Variants in CDC42BPA observed in about 807,000 individuals in gnomAD.
CDC42BPA encodes CDC42 binding protein kinase alpha.
Under a neutral mutation model 223.5 loss-of-function variants are expected in CDC42BPA, and 80 were observed. The observed-to-expected ratio is 0.36, with a 90% CI of 0.30 to 0.43. CDC42BPA has a LOEUF of 0.43. Ranked by LOEUF, CDC42BPA falls within the 20% of genes least tolerant of loss-of-function variation. The pLI, the probability that CDC42BPA is intolerant of heterozygous loss-of-function variation, is 1.00. For synonymous variants in CDC42BPA, 694 were observed against 718.6 expected (o/e 0.97, Z 0.55); for missense variants, 1,743 against 2,099.9 (o/e 0.83, Z 3.32).
chr1:227,094,605 T>C (rs1273482193), intron 15 of CDC42BPA, among the ~76,000 whole-genome samples: 5 of 152,232 alleles, frequency 3.3e-5, no homozygotes, highest in Non-Finnish European at 7.3e-5. Flanking sequence ...AAACATATCC[T>C]GTGCCTCAGC....
chr1:227,165,874 A>T (rs1229896889), intron 5 of CDC42BPA, among the ~76,000 whole-genome samples: 1 of 152,108 alleles, frequency 6.6e-6, no homozygotes, highest in East Asian at 1.9e-4. Flanking sequence ...TTTCAATATA[A>T]CCTTTTTTTG....
rs537125494 is a variant in CDC42BPA at position 227,062,586 on chromosome 1, T to G, written c.2904+7191A>C. ...AGGAAGTATTGTATTTTGCTTAGCA[T>G]AAGACTTCAAACTTAAATATTCTCA... On this transcript the variant is annotated intron_variant, in intron 21 of 36. Coordinates refer to ENST00000366766, the MANE Select transcript of CDC42BPA (RefSeq NM_001394014.1). Among the ~76,000 whole-genome samples, 4 of 152,322 alleles carry G rather than the reference T, an allele frequency of 2.6e-5. No homozygotes were observed. The East Asian group carries it at 7.7e-4, about 29-fold the overall frequency.
intron 15 of CDC42BPA, among the ~76,000 whole-genome samples, chr1:227,096,791 A>C (rs939396808): frequency 6.6e-6 from 1 of 152,174 alleles, no homozygotes; most frequent in Non-Finnish European, 1.5e-5. Flanking sequence ...ATGCTGCCTG[A>C]GTTAGCTCAT....
At chr1:227,307,450 CTCTG>C (rs1214887874) in intron 1 of CDC42BPA, among the ~76,000 whole-genome samples, 1 of 152,138 alleles carries the variant, frequency 6.6e-6, no homozygotes, top group East Asian at 1.9e-4. Context: ...ATTTCCCAAA[CTCTG>C]TCAGCTGTTC....
intron 4 of CDC42BPA, among the ~76,000 whole-genome samples, chr1:227,197,330 C>T (rs1205228430): frequency 6.6e-6 from 1 of 152,022 alleles, no homozygotes; most frequent in Non-Finnish European, 1.5e-5. Context: ...ATAACCAAGA[C>T]CTCTGACTCT....
intron 28 of CDC42BPA, 128 bp from the exon 29 acceptor site, chr1:227,030,598 T>C: frequency 1.8e-6 from 1 of 567,168 alleles, no homozygotes; most frequent in Non-Finnish European, 3.1e-6. Flanking sequence ...GTTTACACTA[T>C]TTCCTTTCAG....
chr1:227,210,527 G>C (rs1673694376), intron 3 of CDC42BPA, among the ~76,000 whole-genome samples: 1 of 152,056 alleles, frequency 6.6e-6, no homozygotes. Flanking sequence ...ATAAATACTT[G>C]TTAATTGAAT....
intron 1 of CDC42BPA, among the ~76,000 whole-genome samples, chr1:227,295,115 T>C (rs1275056647): frequency 6.6e-6 from 1 of 152,096 alleles, no homozygotes; most frequent in Non-Finnish European, 1.5e-5. Context: ...GTTTTAGTAT[T>C]ACATACTAAG....
At chr1:227,282,348 C>A (rs1027865940) in intron 1 of CDC42BPA, among the ~76,000 whole-genome samples, 1 of 152,072 alleles carries the variant, frequency 6.6e-6, no homozygotes, top group Non-Finnish European at 1.5e-5. Flanking sequence ...TTCATCACTT[C>A]CTAGGAGTTT....
At chr1:227,297,829 T>G (rs1458892596) in intron 1 of CDC42BPA, among the ~76,000 whole-genome samples, 1 of 151,550 alleles carries the variant, frequency 6.6e-6, no homozygotes, top group Non-Finnish European at 1.5e-5. Context: ...GAGCTTCTGC[T>G]TGAGGTGATG....
intron 22 of CDC42BPA, among the ~76,000 whole-genome samples, chr1:227,051,384 C>T (rs1031100023): frequency 6.6e-6 from 1 of 152,160 alleles, no homozygotes; most frequent in Non-Finnish European, 1.5e-5. Flanking sequence ...AAACACAACA[C>T]AGTTTTTTTT....
At chr1:227,292,690 G>A (rs1043486751) in intron 1 of CDC42BPA, among the ~76,000 whole-genome samples, 2 of 152,090 alleles carry the variant, frequency 1.3e-5, no homozygotes, top group Non-Finnish European at 2.9e-5. Flanking sequence ...AATTATCAGG[G>A]TAAGAGGTAT....
chr1:227,287,404 T>C (rs1020786454), intron 1 of CDC42BPA, among the ~76,000 whole-genome samples: 2 of 152,140 alleles, frequency 1.3e-5, no homozygotes, highest in African/African-American at 2.4e-5. Context: ...AATAATATAA[T>C]TTATGCTGAA....
chr1:227,003,200 T>A (rs971050157), intron 35 of CDC42BPA, among the ~76,000 whole-genome samples: 11 of 152,198 alleles, frequency 7.2e-5, no homozygotes, highest in African/African-American at 2.7e-4. Flanking sequence ...CATTCGAGAA[T>A]AGAAGGGAAC....
chr1:227,011,086 G>T, intron 34 of CDC42BPA: 1 of 1,266,826 alleles, frequency 7.9e-7, no homozygotes. Context: ...AAAGAAAGAT[G>T]AAAAAAGGCA....
chr1:227,150,849 C>A (rs1488049196), intron 6 of CDC42BPA, among the ~76,000 whole-genome samples: 2 of 130,680 alleles, frequency 1.5e-5, no homozygotes, highest in Non-Finnish European at 3.3e-5. Context: ...CCCACTTTAC[C>A]TCCCTGAAAA....
At chr1:227,181,447 CTTT>C (rs1201733528) in intron 5 of CDC42BPA, among the ~76,000 whole-genome samples, 1 of 152,150 alleles carries the variant, frequency 6.6e-6, no homozygotes, top group Non-Finnish European at 1.5e-5. Context: ...GGTCCTCCTT[CTTT>C]AAGCTATTTC....
intron 24 of CDC42BPA, 65 bp from the exon 25 acceptor site, chr1:227,035,672 C>T: frequency 8.5e-7 from 1 of 1,178,494 alleles, no homozygotes; most frequent in Non-Finnish European, 1.2e-6. Flanking sequence ...ATTCGTAACA[C>T]TCACTGCATA....
At chr1:227,316,933 T>A in intron 1 of CDC42BPA, 72 bp downstream of exon 1, 1 of 1,125,572 alleles carries the variant, frequency 8.9e-7, no homozygotes, top group South Asian at 1.4e-5. Context: ...AGTTTACTCA[T>A]AACTCTCTAT....
Sources: gnomAD v4.1 joint callset for allele counts (sites outside exome capture counted in the v4.1 genomes callset) on GRCh38, gnomAD v4.1.1 for gene constraint, MANE v1.5 for transcripts, NCBI Gene and HGNC (gene_info 2026-07-23, HGNC 2026-07-21) for gene names.